Variants in NCKAP5 observed in about 807,000 individuals in gnomAD.
NCKAP5 encodes NCK associated protein 5.
NCKAP5 carries 92 observed loss-of-function variants against 167.0 expected under a neutral mutation model. That is an observed-to-expected ratio of 0.55 (90% confidence interval 0.47 to 0.66). The LOEUF (loss-of-function observed/expected upper bound fraction) is 0.66. NCKAP5 is among the 30% of genes least tolerant of loss of function. The pLI is 0.00. For missense variants in NCKAP5, 2,378 were observed against 2,315.0 expected, an observed-to-expected ratio of 1.03 and a Z score of -0.56; for synonymous variants, 891 against 877.4, an observed-to-expected ratio of 1.02 and a Z score of -0.27.
At chr2:133,471,130 A>G (rs936976025) in intron 3 of NCKAP5, among the ~76,000 whole-genome samples, 3 of 152,168 alleles carry the variant, frequency 2.0e-5, no homozygotes, top group Non-Finnish European at 4.4e-5. Flanking sequence ...TTGATCCTAA[A>G]AACAGTTCAG....
chr2:132,982,376 T>C (rs2077167007), intron 7 of NCKAP5, among the ~76,000 whole-genome samples: 1 of 152,176 alleles, frequency 6.6e-6, no homozygotes, highest in South Asian at 2.1e-4. Flanking sequence ...TAGGATTCAT[T>C]TCCAGGTCTG....
At chr2:133,209,562 C>T (rs1350473069) in intron 5 of NCKAP5, among the ~76,000 whole-genome samples, 3 of 151,464 alleles carry the variant, frequency 2.0e-5, no homozygotes, top group Non-Finnish European at 4.4e-5. Context: ...CTTTCAAGCT[C>T]GCATTACTTC....
At chr2:132,944,109 G>A (rs548695849) in intron 8 of NCKAP5, among the ~76,000 whole-genome samples, 8 of 152,310 alleles carry the variant, frequency 5.3e-5, no homozygotes, top group South Asian at 2.1e-4. Flanking sequence ...GACTTGAACC[G>A]TGTCTTATAA....
intron 6 of NCKAP5, among the ~76,000 whole-genome samples, chr2:133,064,799 C>A (rs537429943): frequency 6.6e-6 from 1 of 152,234 alleles, no homozygotes; most frequent in Non-Finnish European, 1.5e-5. Flanking sequence ...GCCATCTAAT[C>A]TCTCTCTCTG....
intron 3 of NCKAP5, among the ~76,000 whole-genome samples, chr2:133,441,713 A>G (rs1250239595): frequency 6.6e-6 from 1 of 152,204 alleles, no homozygotes; most frequent in Non-Finnish European, 1.5e-5. Flanking sequence ...CTCCTCTAGC[A>G]ACCACCATTC....
intron 15 of NCKAP5, among the ~76,000 whole-genome samples, chr2:132,779,933 G>C (rs16841210): frequency 0.18 from 27,585 of 151,990 alleles, 3,038 homozygotes; most frequent in East Asian, 0.29. Context: ...CTCTTTATTA[G>C]AGTACAAAAA....
At chr2:133,510,145 C>T (rs1363144344) in intron 3 of NCKAP5, among the ~76,000 whole-genome samples, 1 of 152,142 alleles carries the variant, frequency 6.6e-6, no homozygotes, top group African/African-American at 2.4e-5. Context: ...TGACCCTCTA[C>T]TCACCTCCAT....
At chr2:133,640,690 C>A in the NCKAP5 span, among the ~76,000 whole-genome samples, 2 of 152,168 alleles carry the variant, frequency 1.3e-5, no homozygotes, top group African/African-American at 4.8e-5. Context: ...TCATTGTGTA[C>A]ACTTCTGGTT....
intron 3 of NCKAP5, among the ~76,000 whole-genome samples, chr2:133,323,482 A>C (rs1056463194): frequency 5.3e-5 from 8 of 152,188 alleles, no homozygotes; most frequent in African/African-American, 1.7e-4. Context: ...TCACGGTAAT[A>C]CTGAGGGAGG....
At chr2:132,929,241 C>G (rs759615352) in intron 8 of NCKAP5, among the ~76,000 whole-genome samples, 4 of 152,004 alleles carry the variant, frequency 2.6e-5, no homozygotes, top group African/African-American at 9.7e-5. Flanking sequence ...GTTTACACCA[C>G]ATAGTCTATG....
intron 3 of NCKAP5, among the ~76,000 whole-genome samples, chr2:133,488,617 G>A (rs1013265798): frequency 4.6e-5 from 7 of 152,188 alleles, no homozygotes; most frequent in East Asian, 1.9e-4. Flanking sequence ...AGGACTGCTC[G>A]AGCCCAGGAG....
At chr2:133,349,836 C>A (rs1684235381) in intron 3 of NCKAP5, among the ~76,000 whole-genome samples, 1 of 152,154 alleles carries the variant, frequency 6.6e-6, no homozygotes, top group African/African-American at 2.4e-5. Flanking sequence ...ATAGAACTAT[C>A]CTCTTCTCTG....
At chr2:132,830,884 CT>C (rs1687474970) in intron 11 of NCKAP5, among the ~76,000 whole-genome samples, 1 of 152,090 alleles carries the variant, frequency 6.6e-6, no homozygotes, top group South Asian at 2.1e-4. Flanking sequence ...AAGTGGAAGT[CT>C]TTTTTACAAT....
At chr2:133,618,451 T>C in the NCKAP5 span, among the ~76,000 whole-genome samples, 1 of 150,480 alleles carries the variant, frequency 6.6e-6, no homozygotes, top group South Asian at 2.1e-4. Flanking sequence ...CTCAAACAAA[T>C]TTACAAGAAA....
At chr2:133,486,685 G>A (rs983739054) in intron 3 of NCKAP5, among the ~76,000 whole-genome samples, 2 of 152,180 alleles carry the variant, frequency 1.3e-5, no homozygotes, top group African/African-American at 2.4e-5. Context: ...AGCTTGAGTG[G>A]TGAACGTCTA....
At chr2:132,766,105 C>A (rs775003149) in intron 16 of NCKAP5, among the ~76,000 whole-genome samples, 16 of 151,702 alleles carry the variant, frequency 1.1e-4, no homozygotes, top group Non-Finnish European at 2.4e-4. Flanking sequence ...CATGGTGAAA[C>A]CCCGTCTCTA....
the NCKAP5 span, among the ~76,000 whole-genome samples, chr2:133,601,859 T>C: frequency 2.0e-5 from 3 of 151,952 alleles, no homozygotes; most frequent in South Asian, 4.2e-4. Flanking sequence ...AGAAGGTGAG[T>C]GCAGTCATAG....
At chr2:133,186,953 A>T (rs2084972217) in intron 5 of NCKAP5, among the ~76,000 whole-genome samples, 1 of 151,290 alleles carries the variant, frequency 6.6e-6, no homozygotes, top group South Asian at 2.1e-4. Context: ...TCTTAATTTC[A>T]TTCAGTTCTT....
At chr2:133,263,358 C>T (rs533832754) in intron 4 of NCKAP5, among the ~76,000 whole-genome samples, 1 of 151,970 alleles carries the variant, frequency 6.6e-6, no homozygotes, top group East Asian at 1.9e-4. Flanking sequence ...AAAAAGCTCC[C>T]TTGGGCATCT....
Sources: gnomAD v4.1 joint callset for allele counts (sites outside exome capture counted in the v4.1 genomes callset) on GRCh38, gnomAD v4.1.1 for gene constraint, MANE v1.5 for transcripts, NCBI Gene and HGNC (gene_info 2026-07-23, HGNC 2026-07-21) for gene names.